The following EFCAB6 variants were observed in gnomAD, a reference collection of about 807,000 sequenced individuals.
EFCAB6 encodes the protein EF-hand calcium binding domain 6.
EFCAB6 carries 156 observed loss-of-function variants against 169.8 expected under a neutral mutation model. The ratio of observed to expected loss-of-function variants is 0.92; its 90% CI spans 0.81 to 1.05. The LOEUF (loss-of-function observed/expected upper bound fraction) is 1.05. EFCAB6 is among the 50% of genes least tolerant of loss of function. The pLI is 0.00. For synonymous variants in EFCAB6, 698 were observed against 676.4 expected (o/e 1.03, Z -0.50); for missense variants, 1,800 against 1,829.1 (o/e 0.98, Z 0.29).
chr22:43,796,213 T>C (rs2062503778), intron 2 of EFCAB6, among the ~76,000 whole-genome samples: 1 of 152,142 alleles, frequency 6.6e-6, no homozygotes, highest in African/African-American at 2.4e-5. Context: ...CCAGGTTTCC[T>C]TAATGAACAC....
At chr22:43,532,226 C>T (rs927145922) in intron 30 of EFCAB6, among the ~76,000 whole-genome samples, 1 of 152,210 alleles carries the variant, frequency 6.6e-6, no homozygotes, top group African/African-American at 2.4e-5. Flanking sequence ...TGGGCTGACC[C>T]GCAGCACCTA....
intron 6 of EFCAB6, among the ~76,000 whole-genome samples, chr22:43,742,301 C>T (rs778006648): frequency 4.6e-5 from 7 of 152,204 alleles, no homozygotes; most frequent in Non-Finnish European, 1.0e-4. Flanking sequence ...TGTATTGGCA[C>T]ACAGCCACGC....
intron 15 of EFCAB6, 67 bp from the exon 16 acceptor site, chr22:43,669,112 C>T: frequency 7.2e-7 from 1 of 1,387,432 alleles, no homozygotes; most frequent in Non-Finnish European, 9.5e-7. Flanking sequence ...CTGACCCTGC[C>T]AAGGGTTGGT....
rs143690667 is a variant in EFCAB6 at position 43,785,418 on chromosome 22, C to CA, written c.-7-3094dup. Among the ~76,000 whole-genome samples, 662 of 148,388 alleles carry CA rather than the reference C, an allele frequency of 4.5e-3. 2 individuals are homozygous for CA. Among genetic ancestry groups the CA allele is most frequent in the Middle Eastern group, 0.014 (4 of 288 alleles). On this transcript the variant is annotated intron_variant, in intron 2 of 31. Transcript: ENST00000262726. ...ACACACTCCTAAATAACCAATGAGT[C>CA]AAAAAAAAAATCAAAAGAGAAATTA...
rs2053111264 is a variant in EFCAB6 at position 43,608,893 on chromosome 22, T to A, written c.2563-293A>T. ...ACTTGGGTTCAAAAATGATTAGAAA[T>A]AAGGGCCAACCAGAGCCCAGGAAAT... is the stretch of plus-strand genomic sequence containing the variant. On this transcript the variant is annotated intron_variant, in intron 21 of 31. Coordinates refer to ENST00000262726, the MANE Select transcript of EFCAB6 (RefSeq NM_022785.4). Among the ~76,000 whole-genome samples the A allele has an allele frequency of 2.0e-5, 3 of 152,092 alleles. No homozygotes were observed. The East Asian group carries it at 5.8e-4, about 29-fold the overall frequency.
intron 3 of EFCAB6, among the ~76,000 whole-genome samples, chr22:43,780,337 A>G (rs1220163120): frequency 1.3e-5 from 2 of 151,906 alleles, no homozygotes; most frequent in Non-Finnish European, 2.9e-5. Context: ...AAATACAAAA[A>G]TTAGCCAGGT....
In EFCAB6 at chr22:43,737,778, CAT is replaced by C. The variant is rs552427208; in HGVS notation, c.508-1787_508-1786del. Among the ~76,000 whole-genome samples the C allele has an allele frequency of 1.7e-3, 253 of 150,408 alleles. 1 individual carries two copies. Among genetic ancestry groups the C allele is most frequent in the African/African-American group, 5.4e-3 (220 of 40,804 alleles). On this transcript the variant is annotated intron_variant, in intron 6 of 31. Coordinates refer to ENST00000262726, the MANE Select transcript of EFCAB6 (RefSeq NM_022785.4). ...AGGCATACACACCATCACTCACACA[CAT>C]ATTCATACACACACACACCTGTGCA...
chr22:43,618,165 G>GGAAGGAAGGAAAGAAAGAAAGAAAGAAA (rs1486097443), intron 20 of EFCAB6, among the ~76,000 whole-genome samples: 1 of 68,238 alleles, frequency 1.5e-5, no homozygotes. Flanking sequence ...AAGGAAGGAA[G>GGAAGGAAGGAAAGAAAGAAAGAAAGAAA]GAAAGAAAGA....
chr22:43,760,036 C>G (rs2061099345), intron 5 of EFCAB6: 1 of 152,312 alleles, frequency 6.6e-6, no homozygotes, highest in South Asian at 2.1e-4. Context: ...AAAACCCCAT[C>G]TCCACTAAAA....
intron 26 of EFCAB6, among the ~76,000 whole-genome samples, chr22:43,556,154 G>A (rs1175520281): frequency 1.3e-5 from 2 of 152,148 alleles, no homozygotes; most frequent in Non-Finnish European, 2.9e-5. Context: ...GGAAACTGGG[G>A]CCCAGGGGAT....
chr22:43,552,824 T>A (rs895825838), intron 27 of EFCAB6: 4 of 152,160 alleles, frequency 2.6e-5, no homozygotes, highest in Non-Finnish European at 5.9e-5. Context: ...TCTTTATTAG[T>A]AAAACCTTGA....
intron 17 of EFCAB6, among the ~76,000 whole-genome samples, chr22:43,655,520 CA>C (rs137753): frequency 0.31 from 36,424 of 116,174 alleles, 5,109 homozygotes; most frequent in East Asian, 0.62. Flanking sequence ...GACCCTGTCT[CA>C]AAAAAAAAAA....
chr22:43,664,797 G>A (rs372332476), intron 17 of EFCAB6, among the ~76,000 whole-genome samples: 55 of 152,280 alleles, frequency 3.6e-4, no homozygotes, highest in African/African-American at 1.3e-3. Flanking sequence ...GGTCTCCTAG[G>A]CCAGGCTCAG....
chr22:43,705,633 T>C (rs750252523), intron 10 of EFCAB6, among the ~76,000 whole-genome samples: 9 of 152,032 alleles, frequency 5.9e-5, no homozygotes, highest in Non-Finnish European at 1.2e-4. Context: ...AACCAATAGA[T>C]AATAAATAAC....
chr22:43,680,473 CA>C lies in EFCAB6; in HGVS notation c.1252-2311del, dbSNP rs539992582. ...GAATTTTCAGACAGCTTTTCAAAAGCAAAAAAAAAGAAAAAAAAAAGCCAGC... is the reference window on the plus strand; with the variant it reads ...GAATTTTCAGACAGCTTTTCAAAAGCAAAAAAAAGAAAAAAAAAAGCCAGC... On this transcript the variant is annotated intron_variant, in intron 12 of 31. Transcript: ENST00000262726. Among the ~76,000 whole-genome samples the C allele has an allele frequency of 6.0e-3, 764 of 127,656 alleles. 4 individuals carry two copies. The highest frequency in any genetic ancestry group is 0.013 in the African/African-American group (457 of 34,152). 83.7% of individuals were successfully genotyped at this position (127,656 alleles called of 152,430 possible). A position where few individuals can be genotyped will look rare whatever the true frequency, so the allele number is the denominator to read the frequency against.
intron 17 of EFCAB6, among the ~76,000 whole-genome samples, 181 bp from the exon 18 acceptor site, chr22:43,635,397 G>A (rs2055315985): frequency 6.6e-6 from 1 of 152,170 alleles, no homozygotes; most frequent in African/African-American, 2.4e-5. Context: ...CCTTGCACAA[G>A]GCTTGTGTTT....
intron 3 of EFCAB6, among the ~76,000 whole-genome samples, chr22:43,774,319 G>A (rs1007738427): frequency 3.3e-5 from 5 of 150,562 alleles, no homozygotes; most frequent in Non-Finnish European, 7.4e-5. Flanking sequence ...GGGTGGGCTG[G>A]GCTGTCTTCT....
At chr22:43,599,196 C>CTACTCTTTGCACTAATTTTGCACTAATT (rs2052290128) in intron 23 of EFCAB6, among the ~76,000 whole-genome samples, 1 of 152,184 alleles carries the variant, frequency 6.6e-6, no homozygotes, top group Non-Finnish European at 1.5e-5. Flanking sequence ...CTTTGCTAAG[C>CTACTCTTTGCACTAATTTTGCACTAATT]CAGTGCACTA....
At chr22:43,706,398 G>A (rs1299142901) in intron 10 of EFCAB6, among the ~76,000 whole-genome samples, 1 of 152,196 alleles carries the variant, frequency 6.6e-6, no homozygotes, top group Non-Finnish European at 1.5e-5. Flanking sequence ...ATTCTTTCCA[G>A]AGCACGAATC....
Sources: allele counts gnomAD v4.1 joint callset (sites outside exome capture counted in the v4.1 genomes callset), GRCh38; gene constraint gnomAD v4.1.1; transcripts MANE v1.5; gene names NCBI Gene and HGNC (gene_info 2026-07-23, HGNC 2026-07-21).